The following SEC16B variants were observed in gnomAD, a reference collection of about 807,000 sequenced individuals.
The protein encoded by SEC16B is protein transport protein Sec16B.
SEC16B carries 115 observed loss-of-function variants against 141.8 expected under a neutral mutation model. The observed-to-expected ratio is 0.81, with a 90% CI of 0.70 to 0.95. SEC16B has a LOEUF of 0.95. Ranked by LOEUF, SEC16B falls within the 40% of genes least tolerant of loss-of-function variation. The pLI, the probability that SEC16B is intolerant of heterozygous loss-of-function variation, is 0.00. For synonymous variants in SEC16B, 493 were observed against 492.5 expected (o/e 1.00, Z -0.01); for missense variants, 1,291 against 1,312.3 (o/e 0.98, Z 0.25).
chr1:177,952,210 A>G (rs892576420), intron 11 of SEC16B, among the ~76,000 whole-genome samples: 2 of 152,158 alleles, frequency 1.3e-5, no homozygotes, highest in African/African-American at 4.8e-5. Context: ...TAGATCTCAT[A>G]GTTGAGGGTA....
intron 11 of SEC16B, 62 bp from the exon 12 acceptor site, chr1:177,952,057 C>T (rs2101953625): frequency 7.2e-7 from 1 of 1,391,000 alleles, no homozygotes; most frequent in East Asian, 2.5e-5. Flanking sequence ...CCATTGCCCA[C>T]AAGGCTCAGG....
intron 1 of SEC16B, among the ~76,000 whole-genome samples, chr1:177,982,838 A>G (rs1654475470): frequency 6.6e-6 from 1 of 152,180 alleles, no homozygotes; most frequent in African/African-American, 2.4e-5. Context: ...TTGCCTCTCA[A>G]AAGTCAGCAG....
At chr1:177,936,698 G>T (rs1650869088) in intron 19 of SEC16B, among the ~76,000 whole-genome samples, 1 of 152,092 alleles carries the variant, frequency 6.6e-6, no homozygotes, top group African/African-American at 2.4e-5. Context: ...ATCCTGGAAG[G>T]TCTAAGAGCT....
At chr1:177,948,643 A>G in intron 12 of SEC16B, 1 of 1,285,216 alleles carries the variant, frequency 7.8e-7, no homozygotes, top group Non-Finnish European at 1.0e-6. Context: ...CTGTCCTACT[A>G]AATAAAGGAG....
At chr1:177,966,856 T>A (rs1264356533) in intron 2 of SEC16B, among the ~76,000 whole-genome samples, 1 of 152,208 alleles carries the variant, frequency 6.6e-6, no homozygotes, top group Non-Finnish European at 1.5e-5. Flanking sequence ...ATTACAGGCG[T>A]GATCCAGGAG....
intron 1 of SEC16B, among the ~76,000 whole-genome samples, chr1:177,969,470 ACACAGGGAAGGG>A (rs1557994021): frequency 6.6e-6 from 1 of 152,206 alleles, no homozygotes; most frequent in African/African-American, 2.4e-5. Context: ...AATGTCCCAG[ACACAGGGAAGGG>A]CACATGAGCC....
chr1:177,961,168 G>A, intron 6 of SEC16B: 1 of 532,652 alleles, frequency 1.9e-6, no homozygotes, highest in African/African-American at 1.9e-5. Context: ...CAGTCCAAAT[G>A]ATAATGCTCT....
chr1:177,969,274 G>A lies in SEC16B; in HGVS notation c.-59+610C>T, dbSNP rs188416873. On this transcript the variant is annotated intron_variant, in intron 1 of 25. Coordinates refer to ENST00000308284, the MANE Select transcript of SEC16B (RefSeq NM_033127.4). ...GCTCAAACACCAGGGAGCCGAGGTC[G>A]ACAGCTATGAGCCAAGAGCTATGAG... Among the ~76,000 whole-genome samples the A allele has an allele frequency of 1.5e-3, 221 of 152,280 alleles. 3 individuals are homozygous for A. Among genetic ancestry groups the A allele is most frequent in the Non-Finnish European group, 1.8e-3 (124 of 68,018 alleles).
rs751398806 is a variant in SEC16B, at chr1:177,967,999, T to C, written c.-18A>G. On this transcript the variant is annotated 5_prime_UTR_variant, in exon 2 of 26. Transcript: ENST00000308284. Reference sequence around the variant, plus strand: ...AGTTCCATCCTTGACTCTCTGAATTTGTCCTGGGTTTTGAGTAAGTTGTGC... The same window carrying C: ...AGTTCCATCCTTGACTCTCTGAATTCGTCCTGGGTTTTGAGTAAGTTGTGC... The C allele has an allele frequency of 3.8e-6, 6 of 1,579,244 alleles. No individual in the cohort carries two copies. The Admixed American group carries it at 5.4e-5, about 14-fold the overall frequency.
chr1:177,981,119 T>C (rs536762534), intron 1 of SEC16B, among the ~76,000 whole-genome samples: 1 of 152,230 alleles, frequency 6.6e-6, no homozygotes, highest in Admixed American at 6.5e-5. Context: ...ATAGCAGTTA[T>C]ATGATAAAAG....
chr1:177,960,058 G>C, intron 8 of SEC16B: 1 of 409,578 alleles, frequency 2.4e-6, no homozygotes, highest in Non-Finnish European at 4.4e-6. Flanking sequence ...TCAAGCACAC[G>C]GAATGCTAAA....
At chr1:177,934,006 AAAC>A (rs1292813672) in intron 20 of SEC16B, among the ~76,000 whole-genome samples, 20 of 152,214 alleles carry the variant, frequency 1.3e-4, no homozygotes, top group African/African-American at 4.6e-4. Flanking sequence ...AAAAAAAAAA[AAAC>A]AGAGAATGTA....
chr1:177,932,608 G>A, intron 23 of SEC16B, 39 bp from the exon 24 acceptor site: 3 of 1,510,026 alleles, frequency 2.0e-6, no homozygotes, highest in Non-Finnish European at 2.7e-6. Context: ...CTCTGCTCAG[G>A]ACTGGGGGTC....
chr1:177,948,555 C>CA, intron 12 of SEC16B: 2 of 1,303,306 alleles, frequency 1.5e-6, no homozygotes, highest in Non-Finnish European at 2.0e-6. Context: ...CACCAGGGGG[C>CA]AAAAAAGAGT....
intron 1 of SEC16B, among the ~76,000 whole-genome samples, chr1:177,975,220 T>C (rs1654125340): frequency 6.6e-6 from 1 of 152,192 alleles, no homozygotes; most frequent in Non-Finnish European, 1.5e-5. Flanking sequence ...TCAAGCTCCA[T>C]GGGGATGTCA....
At chr1:177,957,420 T>G (rs1489086721) in intron 10 of SEC16B, among the ~76,000 whole-genome samples, 1 of 152,164 alleles carries the variant, frequency 6.6e-6, no homozygotes, top group African/African-American at 2.4e-5. Flanking sequence ...AATAAACAAC[T>G]GTATATGCAA....
intron 12 of SEC16B, 125 bp from the exon 13 acceptor site, chr1:177,948,067 G>A (rs1651871649): frequency 2.5e-6 from 2 of 784,448 alleles, no homozygotes. Context: ...CACCTGCAAT[G>A]CTGCCATTCA....
chr1:177,966,106 T>G (rs1350019285), intron 2 of SEC16B, 101 bp from the exon 3 acceptor site: 1 of 644,224 alleles, frequency 1.6e-6, no homozygotes, highest in Non-Finnish European at 2.6e-6. Context: ...AGGACAGAGT[T>G]GTGACCCCAG....
chr1:177,931,922 G>C (rs1195622749), intron 24 of SEC16B, among the ~76,000 whole-genome samples: 1 of 152,086 alleles, frequency 6.6e-6, no homozygotes, highest in African/African-American at 2.4e-5. Flanking sequence ...TCCTGGGACA[G>C]GGAAAAAGGC....
Sources: gnomAD v4.1 joint callset for allele counts (sites outside exome capture counted in the v4.1 genomes callset) on GRCh38, gnomAD v4.1.1 for gene constraint, MANE v1.5 for transcripts, NCBI Gene and HGNC (gene_info 2026-07-23, HGNC 2026-07-21) for gene names.